Variants in ENTHD1 observed in about 807,000 individuals in gnomAD.
ENTHD1 encodes the protein ENTH domain-containing protein 1.
Under a neutral mutation model 39.1 loss-of-function variants are expected in ENTHD1, and 23 were observed. The observed-to-expected ratio is 0.59, with a 90% CI of 0.42 to 0.83. The LOEUF (loss-of-function observed/expected upper bound fraction) is 0.83. ENTHD1 is among the 40% of genes least tolerant of loss of function. ENTHD1 has a pLI of 0.00. For missense variants in ENTHD1, 624 were observed against 705.4 expected (o/e 0.88, Z 1.31); for synonymous variants, 230 against 258.2 (o/e 0.89, Z 1.05).
chr22:39,830,952 T>A (rs1012438030), intron 4 of ENTHD1, among the ~76,000 whole-genome samples: 3 of 152,206 alleles, frequency 2.0e-5, no homozygotes, highest in Non-Finnish European at 2.9e-5. Flanking sequence ...AAACCAAGAT[T>A]AACATCTTCA....
At chr22:39,812,699 G>A (rs866388368) in intron 5 of ENTHD1, among the ~76,000 whole-genome samples, 22 of 152,196 alleles carry the variant, frequency 1.4e-4, no homozygotes, top group South Asian at 1.0e-3. Flanking sequence ...CAGAATGCCC[G>A]GAGTGGTAGC....
chr22:39,750,800 C>T, intron 6 of ENTHD1: 1 of 155,400 alleles, frequency 6.4e-6, no homozygotes. Context: ...TCCTCCTCCA[C>T]TACCACTTCC....
At position 39,875,940 on chromosome 22, in the gene ENTHD1, G is replaced by C. The variant is rs2066285890; in HGVS notation, c.349+11460C>G. ...GAATGGGTTATCCTGATAGGTGTTT[G>C]CACTCATCTTGGTTGTGTACCCATT... On this transcript the variant is annotated intron_variant, in intron 2 of 6. Transcript: ENST00000325157. 3 of 1,613,964 alleles carry C rather than the reference G, an allele frequency of 1.9e-6. No individual in the cohort carries two copies. The East Asian group carries it at 6.7e-5, about 36-fold the overall frequency.
chr22:39,819,193 C>A (rs1018904488), intron 5 of ENTHD1, among the ~76,000 whole-genome samples: 2 of 151,854 alleles, frequency 1.3e-5, no homozygotes, highest in Admixed American at 1.3e-4. Context: ...GGTGAAACCC[C>A]GACTCTACTA....
Position 39,861,764 on chromosome 22 carries a change from C to T in ENTHD1, c.592+1G>A. 1 of 1,525,174 alleles carries T rather than the reference C, an allele frequency of 6.6e-7. No individual in the cohort carries two copies. The highest frequency in any genetic ancestry group is 1.4e-5 in the South Asian group (1 of 73,528). 94.5% of individuals were successfully genotyped at this position (1,525,174 alleles called of 1,614,324 possible). ...TTTAGGCCAATGTTCATTATACGTA[C>T]TTTTATTATGTAACCTTCCAAACTT... On this transcript the variant is annotated splice_donor_variant, in intron 3 of 6. Transcript: ENST00000325157. LOFTEE classifies it high-confidence loss of function.
At chr22:39,862,787 T>C (rs924508703) in intron 2 of ENTHD1, among the ~76,000 whole-genome samples, 4 of 152,216 alleles carry the variant, frequency 2.6e-5, no homozygotes, top group Non-Finnish European at 4.4e-5. Context: ...TACATACAAC[T>C]GTGGTTTGAA....
chr22:39,850,238 T>G (rs1312638897), intron 3 of ENTHD1, among the ~76,000 whole-genome samples: 1 of 152,218 alleles, frequency 6.6e-6, no homozygotes, highest in East Asian at 1.9e-4. Context: ...TTGCTTTATA[T>G]ACTTTGAAGT....
intron 5 of ENTHD1, among the ~76,000 whole-genome samples, chr22:39,787,694 G>A (rs1033912345): frequency 2.6e-5 from 4 of 152,168 alleles, no homozygotes; most frequent in Admixed American, 2.0e-4. Flanking sequence ...TGAGAGAGAT[G>A]AGCAAGCTGC....
chr22:39,829,313 A>T (rs902174018), intron 4 of ENTHD1, among the ~76,000 whole-genome samples: 1 of 152,094 alleles, frequency 6.6e-6, no homozygotes, highest in Non-Finnish European at 1.5e-5. Context: ...TGTAATGTAG[A>T]TCAATAACAC....
Position 39,743,625 on chromosome 22 carries a change from A to C in ENTHD1, c.*54T>G. 1 of 1,514,792 alleles carries C rather than the reference A, an allele frequency of 6.6e-7. No individual in the cohort carries two copies. Among genetic ancestry groups the C allele is most frequent in the Non-Finnish European group, 8.8e-7 (1 of 1,134,550 alleles). 93.8% of individuals were successfully genotyped at this position (1,514,792 alleles called of 1,614,324 possible). Reference sequence around the variant, plus strand: ...TATGAATTTATACAATGCTAACGTAAGTCTTGGGGAAGTGGAACCACACGA... The same window carrying C: ...TATGAATTTATACAATGCTAACGTACGTCTTGGGGAAGTGGAACCACACGA... On this transcript the variant is annotated 3_prime_UTR_variant, in exon 7 of 7. Coordinates refer to ENST00000325157, the MANE Select transcript of ENTHD1 (RefSeq NM_152512.4).
intron 2 of ENTHD1, chr22:39,875,198 T>C (rs1181329218): frequency 2.7e-5 from 21 of 768,686 alleles, no homozygotes; most frequent in Non-Finnish European, 3.5e-5. Flanking sequence ...AAACATTATG[T>C]TGAGAGAAGC....
intron 4 of ENTHD1, among the ~76,000 whole-genome samples, chr22:39,821,324 C>T (rs1184798958): frequency 6.6e-6 from 1 of 152,186 alleles, no homozygotes; most frequent in Non-Finnish European, 1.5e-5. Context: ...GCTGAAGACA[C>T]CGTCGGTAGA....
At chr22:39,759,027 T>G (rs1291904063) in intron 6 of ENTHD1, among the ~76,000 whole-genome samples, 2 of 152,212 alleles carry the variant, frequency 1.3e-5, no homozygotes, top group Non-Finnish European at 2.9e-5. Context: ...TTACTGAGGA[T>G]TTCTACATTT....
At chr22:39,755,340 G>A (rs1190632567) in intron 6 of ENTHD1, among the ~76,000 whole-genome samples, 1 of 152,094 alleles carries the variant, frequency 6.6e-6, no homozygotes, top group South Asian at 2.1e-4. Flanking sequence ...GGGAAGGGGT[G>A]GGCCGGGAGT....
chr22:39,833,100 G>A (rs1360211156), intron 4 of ENTHD1, among the ~76,000 whole-genome samples: 1 of 152,130 alleles, frequency 6.6e-6, no homozygotes, highest in Non-Finnish European at 1.5e-5. Flanking sequence ...TTTAAGAAGT[G>A]TCTCCCCCTA....
At chr22:39,875,440 C>CA (rs1172940863) in intron 2 of ENTHD1, 1 of 1,516,752 alleles carries the variant, frequency 6.6e-7, no homozygotes, top group East Asian at 2.3e-5. Context: ...GGCCCTTCCT[C>CA]AGCCGGGAGT....
chr22:39,870,103 G>A lies in ENTHD1; in HGVS notation c.350-8096C>T, dbSNP rs960130965. Reference sequence around the variant, plus strand: ...ACAATCTCAGCTCACTGCAAACTCCGCCTCCTGGGTTCAAGCAATTCTCAT... The same window carrying A: ...ACAATCTCAGCTCACTGCAAACTCCACCTCCTGGGTTCAAGCAATTCTCAT... On this transcript the variant is annotated intron_variant, in intron 2 of 6. Coordinates refer to ENST00000325157, the MANE Select transcript of ENTHD1 (RefSeq NM_152512.4). Among the ~76,000 whole-genome samples the A allele has an allele frequency of 2.6e-5, 4 of 151,846 alleles. No individual in the cohort carries two copies. The East Asian group carries it at 7.7e-4, about 29-fold the overall frequency.
chr22:39,764,172 T>G (rs922894990), intron 6 of ENTHD1, among the ~76,000 whole-genome samples: 1 of 152,178 alleles, frequency 6.6e-6, no homozygotes, highest in Non-Finnish European at 1.5e-5. Context: ...GTTTAAAAGA[T>G]TCACGTTAAA....
intron 5 of ENTHD1, among the ~76,000 whole-genome samples, chr22:39,814,179 A>G (rs1265588182): frequency 1.3e-5 from 2 of 152,028 alleles, no homozygotes; most frequent in African/African-American, 4.8e-5. Flanking sequence ...GTGTGAAAGC[A>G]AAGGGTCAAA....
Sources: gnomAD v4.1 joint callset for allele counts (sites outside exome capture counted in the v4.1 genomes callset) on GRCh38, gnomAD v4.1.1 for gene constraint, MANE v1.5 for transcripts, NCBI Gene and HGNC (gene_info 2026-07-23, HGNC 2026-07-21) for gene names.